Variants in CNTNAP5 observed in about 807,000 individuals in gnomAD.
CNTNAP5 encodes contactin-associated protein-like 5.
Under a neutral mutation model 150.2 loss-of-function variants are expected in CNTNAP5, and 72 were observed. The ratio of observed to expected loss-of-function variants is 0.48; its 90% confidence interval spans 0.40 to 0.58. The LOEUF is 0.58. CNTNAP5 is among the 20% of genes least tolerant of loss of function. The pLI, the probability that CNTNAP5 is intolerant of heterozygous loss-of-function variation, is 0.00. For synonymous variants in CNTNAP5, 672 were observed against 619.8 expected (o/e 1.08, Z -1.25); for missense variants, 1,636 against 1,626.2 (o/e 1.01, Z -0.10).
intron 11 of CNTNAP5, among the ~76,000 whole-genome samples, chr2:124,580,631 C>T (rs1313255682): frequency 2.0e-5 from 3 of 152,212 alleles, no homozygotes; most frequent in Non-Finnish European, 4.4e-5. Context: ...CTCCTTACAG[C>T]CTCCACAATG....
intron 1 of CNTNAP5, among the ~76,000 whole-genome samples, chr2:124,184,548 T>C (rs180761628): frequency 2.0e-5 from 3 of 152,218 alleles, no homozygotes; most frequent in East Asian, 1.9e-4. Context: ...GTGTTAAATC[T>C]GACAACCTTA....
intron 3 of CNTNAP5, among the ~76,000 whole-genome samples, chr2:124,331,054 C>T (rs907450279): frequency 6.6e-6 from 1 of 152,084 alleles, no homozygotes; most frequent in Non-Finnish European, 1.5e-5. Flanking sequence ...TTACCAGAAA[C>T]TCATACTTGT....
At chr2:124,547,372 A>T (rs990698993) in intron 10 of CNTNAP5, among the ~76,000 whole-genome samples, 4 of 152,240 alleles carry the variant, frequency 2.6e-5, no homozygotes, top group Non-Finnish European at 5.9e-5. Context: ...GTTGATGGGC[A>T]GTTAAAGACT....
chr2:124,196,239 G>C (rs954215619), intron 1 of CNTNAP5, among the ~76,000 whole-genome samples: 1 of 152,046 alleles, frequency 6.6e-6, no homozygotes, highest in African/African-American at 2.4e-5. Context: ...AAGGGCTAAG[G>C]GATAAGCATA....
At chr2:124,245,369 A>G (rs1025987815) in intron 3 of CNTNAP5, among the ~76,000 whole-genome samples, 1 of 152,016 alleles carries the variant, frequency 6.6e-6, no homozygotes, top group Non-Finnish European at 1.5e-5. Context: ...TTTTCTTTTT[A>G]CTTTTTATTT....
At chr2:124,062,441 C>T (rs1682037158) in intron 1 of CNTNAP5, among the ~76,000 whole-genome samples, 1 of 152,182 alleles carries the variant, frequency 6.6e-6, no homozygotes, top group African/African-American at 2.4e-5. Context: ...CCTCTGACCC[C>T]AGCATGGGCT....
At chr2:124,459,561 C>T (rs1274566184) in intron 6 of CNTNAP5, among the ~76,000 whole-genome samples, 1 of 151,784 alleles carries the variant, frequency 6.6e-6, no homozygotes, top group Non-Finnish European at 1.5e-5. Flanking sequence ...CCAGCCTGGC[C>T]AACAGCATGA....
intron 13 of CNTNAP5, among the ~76,000 whole-genome samples, chr2:124,702,238 T>C (rs1003760531): frequency 5.3e-5 from 8 of 151,934 alleles, no homozygotes; most frequent in African/African-American, 1.9e-4. Context: ...CATCTGTATT[T>C]GAGTGGTCAA....
chr2:124,217,743 T>C (rs761223209), intron 1 of CNTNAP5, among the ~76,000 whole-genome samples: 2 of 152,210 alleles, frequency 1.3e-5, no homozygotes, highest in Non-Finnish European at 2.9e-5. Context: ...CTCTCAAATG[T>C]AGCAGATATT....
intron 1 of CNTNAP5, among the ~76,000 whole-genome samples, chr2:124,081,300 G>T (rs1682554765): frequency 6.6e-6 from 1 of 151,996 alleles, no homozygotes; most frequent in South Asian, 2.1e-4. Context: ...GAGGAAATAA[G>T]CCTCCTATTT....
intron 3 of CNTNAP5, among the ~76,000 whole-genome samples, chr2:124,310,065 T>C (rs1176033575): frequency 6.6e-6 from 1 of 152,112 alleles, no homozygotes; most frequent in Admixed American, 6.6e-5. Flanking sequence ...ACCTTTTTTT[T>C]TTTTTTATGA....
chr2:124,344,108 C>T (rs1178791693), intron 3 of CNTNAP5, among the ~76,000 whole-genome samples: 1 of 152,192 alleles, frequency 6.6e-6, no homozygotes, highest in Non-Finnish European at 1.5e-5. Context: ...TAGTCCCCAC[C>T]TCCCAATGCA....
intron 3 of CNTNAP5, among the ~76,000 whole-genome samples, chr2:124,366,404 A>G (rs1397266539): frequency 6.6e-6 from 1 of 152,206 alleles, no homozygotes; most frequent in East Asian, 1.9e-4. Context: ...AAAAAATACA[A>G]TGAAAAATAA....
At chr2:124,149,709 G>C (rs1368232538) in intron 1 of CNTNAP5, among the ~76,000 whole-genome samples, 2 of 152,202 alleles carry the variant, frequency 1.3e-5, no homozygotes, top group African/African-American at 4.8e-5. Context: ...CAACAGTCAG[G>C]CTGCTGCTGC....
intron 12 of CNTNAP5, among the ~76,000 whole-genome samples, chr2:124,631,444 T>C (rs1458542697): frequency 6.6e-6 from 1 of 152,196 alleles, no homozygotes; most frequent in Non-Finnish European, 1.5e-5. Context: ...ATCTCATCTT[T>C]GACAAACCTC....
chr2:124,588,218 TTCTTTCTTTCTTTC>T (rs1696598649), intron 11 of CNTNAP5, among the ~76,000 whole-genome samples: 3 of 148,118 alleles, frequency 2.0e-5, no homozygotes, highest in African/African-American at 7.5e-5. Context: ...CTTTCTTTCT[TTCTTTCTTTCTTTC>T]TTTCTTCTTT....
chr2:124,060,892 T>G (rs1327989548), intron 1 of CNTNAP5, among the ~76,000 whole-genome samples: 1 of 152,126 alleles, frequency 6.6e-6, no homozygotes, highest in African/African-American at 2.4e-5. Flanking sequence ...TGACTGGAAA[T>G]TTTATGACAG....
At chr2:124,371,798 C>T (rs2104727629) in intron 3 of CNTNAP5, among the ~76,000 whole-genome samples, 1 of 152,118 alleles carries the variant, frequency 6.6e-6, no homozygotes, top group Middle Eastern at 3.4e-3. Flanking sequence ...TTGTCTACAC[C>T]ACTTCCACTT....
chr2:124,300,466 T>C (rs959334630), intron 3 of CNTNAP5, among the ~76,000 whole-genome samples: 5 of 152,024 alleles, frequency 3.3e-5, no homozygotes, highest in African/African-American at 1.2e-4. Flanking sequence ...CACGTGAAGA[T>C]AGGAGAGGAG....
Sources: allele counts gnomAD v4.1 joint callset (sites outside exome capture counted in the v4.1 genomes callset), GRCh38; gene constraint gnomAD v4.1.1; transcripts MANE v1.5; gene names NCBI Gene and HGNC (gene_info 2026-07-23, HGNC 2026-07-21).